The following PRKG1 variants were observed in gnomAD, a reference collection of about 807,000 sequenced individuals.
PRKG1 encodes the protein cGMP-dependent protein kinase 1.
In PRKG1, 35 loss-of-function variants were observed where a neutral mutation model predicts 88.1. The ratio of observed to expected loss-of-function variants is 0.40; its 90% CI spans 0.30 to 0.53. The LOEUF (loss-of-function observed/expected upper bound fraction) is 0.53, where lower values mean the gene tolerates loss of function less well. Ranked by LOEUF, PRKG1 falls within the 20% of genes least tolerant of loss-of-function variation. PRKG1 has a pLI of 0.59. For synonymous variants in PRKG1, 303 were observed against 292.5 expected (o/e 1.04, Z -0.37); for missense variants, 540 against 839.8 (o/e 0.64, Z 4.41).
chr10:51,214,396 G>A (rs1193123401), intron 2 of PRKG1, among the ~76,000 whole-genome samples: 2 of 152,190 alleles, frequency 1.3e-5, no homozygotes, highest in Admixed American at 1.3e-4. Context: ...GGAGTCAGCA[G>A]TATGAATTAT....
intron 1 of PRKG1, among the ~76,000 whole-genome samples, chr10:51,133,304 C>A (rs1232669358): frequency 6.6e-6 from 1 of 152,152 alleles, no homozygotes; most frequent in Non-Finnish European, 1.5e-5. Context: ...ACAACTGTGC[C>A]CCTCTTGCAA....
At position 52,201,062 on chromosome 10, in the gene PRKG1, G is replaced by A. The variant is rs770766117; in HGVS notation, c.1076+39099G>A. On this transcript the variant is annotated intron_variant, in intron 9 of 17. Transcript: ENST00000373980. ...TGCAGAAACTCTTTAGTTGAATTAC[G>A]TCCCATTTGCCAGCTTTTGTTTTTG... 2.6e-5 allele frequency among the ~76,000 whole-genome samples: 4 copies of A among 151,926 alleles called. No homozygotes were observed. In the East Asian group the frequency reaches 5.8e-4, roughly 22 times the overall value.
intron 7 of PRKG1, among the ~76,000 whole-genome samples, chr10:52,074,754 T>G (rs1297344647): frequency 2.0e-5 from 3 of 152,212 alleles, no homozygotes; most frequent in Non-Finnish European, 4.4e-5. Flanking sequence ...CTAGATTCAC[T>G]GTCATTACAC....
In PRKG1 at chr10:51,610,632, T is replaced by C. The variant is rs572535222; in HGVS notation, c.592+142796T>C. On this transcript the variant is annotated intron_variant, in intron 3 of 17. Coordinates refer to ENST00000373980, the MANE Select transcript of PRKG1 (RefSeq NM_006258.4). The stretch of plus-strand genomic sequence containing the variant: ...AGCAAAGACATGGAACCAACCCAAA[T>C]GTCCATCAATGATAGACTGGATAAA... Among the ~76,000 whole-genome samples, 472 of 152,258 alleles carry C rather than the reference T, an allele frequency of 3.1e-3. 2 individuals are homozygous for C. The highest frequency in any genetic ancestry group is 4.6e-3 in the Non-Finnish European group (316 of 68,028).
intron 3 of PRKG1, among the ~76,000 whole-genome samples, chr10:51,505,880 G>C (rs1265231389): frequency 6.6e-6 from 1 of 151,756 alleles, no homozygotes; most frequent in African/African-American, 2.4e-5. Context: ...TATTAGTCTT[G>C]CTAGCGGTCT....
intron 8 of PRKG1, 37 bp downstream of exon 8, chr10:52,133,942 A>T (rs767782547): frequency 6.6e-7 from 1 of 1,520,326 alleles, no homozygotes; most frequent in Non-Finnish European, 9.1e-7. Context: ...TTACACACTC[A>T]TATCAGCAAC....
At chr10:51,274,248 C>T (rs1176883084) in intron 2 of PRKG1, among the ~76,000 whole-genome samples, 1 of 152,128 alleles carries the variant, frequency 6.6e-6, no homozygotes, top group Admixed American at 6.5e-5. Flanking sequence ...AATGATAAAA[C>T]ACTATGGTCA....
chr10:51,118,190 C>T (rs563434322), intron 1 of PRKG1, among the ~76,000 whole-genome samples: 2 of 152,090 alleles, frequency 1.3e-5, no homozygotes, highest in East Asian at 1.9e-4. Context: ...TGTTTTATGG[C>T]ATTTGGCCAA....
intron 3 of PRKG1, among the ~76,000 whole-genome samples, chr10:51,648,587 T>G (rs933886228): frequency 2.0e-5 from 3 of 152,196 alleles, no homozygotes; most frequent in Admixed American, 2.0e-4. Flanking sequence ...ATATTTTTTC[T>G]CTAATCATCT....
intron 2 of PRKG1, among the ~76,000 whole-genome samples, chr10:51,388,419 A>T (rs1465174592): frequency 6.6e-6 from 1 of 152,182 alleles, no homozygotes; most frequent in Non-Finnish European, 1.5e-5. Flanking sequence ...ATCTCTTTTG[A>T]TGCCTAAAAT....
chr10:51,424,320 T>A (rs911755943), intron 2 of PRKG1, among the ~76,000 whole-genome samples: 3 of 152,136 alleles, frequency 2.0e-5, no homozygotes, highest in Admixed American at 2.0e-4. Flanking sequence ...ATATATTTCA[T>A]AAATTTTATC....
chr10:51,209,884 G>T (rs1838165838), intron 2 of PRKG1, among the ~76,000 whole-genome samples: 1 of 152,070 alleles, frequency 6.6e-6, no homozygotes, highest in Non-Finnish European at 1.5e-5. Context: ...CAATTGAAGT[G>T]GTTTTTCATA....
At chr10:51,990,684 C>G (rs182632743) in intron 5 of PRKG1, among the ~76,000 whole-genome samples, 108 of 152,152 alleles carry the variant, frequency 7.1e-4, no homozygotes, top group Middle Eastern at 6.8e-3. Context: ...GCCTAGTTCT[C>G]ATTAGTTATT....
At chr10:51,823,472 C>T (rs771423292) in intron 4 of PRKG1, among the ~76,000 whole-genome samples, 15 of 151,662 alleles carry the variant, frequency 9.9e-5, no homozygotes, top group East Asian at 1.9e-4. Flanking sequence ...ACATGAACCA[C>T]GGGGCTTCCA....
intron 6 of PRKG1, among the ~76,000 whole-genome samples, chr10:52,060,041 T>TATC (rs1846200852): frequency 6.6e-6 from 1 of 151,588 alleles, no homozygotes; most frequent in South Asian, 2.1e-4. Context: ...AGACCTATTA[T>TATC]AAGGTTCAGG....
At chr10:51,830,257 T>A (rs1937695) in intron 4 of PRKG1, among the ~76,000 whole-genome samples, 6,457 of 152,216 alleles carry the variant, frequency 0.042, 281 homozygotes, top group East Asian at 0.11. Context: ...TAACACTATT[T>A]TCACACACTC....
intron 2 of PRKG1, among the ~76,000 whole-genome samples, chr10:51,328,954 T>C (rs1841661417): frequency 1.3e-5 from 2 of 152,198 alleles, no homozygotes; most frequent in Admixed American, 6.5e-5. Flanking sequence ...CTCTTGCTAT[T>C]AAATTGTCTT....
At chr10:52,011,869 T>C (rs1422111734) in intron 5 of PRKG1, among the ~76,000 whole-genome samples, 1 of 152,182 alleles carries the variant, frequency 6.6e-6, no homozygotes, top group African/African-American at 2.4e-5. Context: ...TGAATGGATC[T>C]CATGATATCT....
chr10:51,299,387 G>A (rs1840812567), intron 2 of PRKG1, among the ~76,000 whole-genome samples: 2 of 152,026 alleles, frequency 1.3e-5, no homozygotes, highest in East Asian at 3.9e-4. Context: ...TGTAATTTTA[G>A]TAGAGATGGG....
Sources: allele counts gnomAD v4.1 joint callset (sites outside exome capture counted in the v4.1 genomes callset), GRCh38; gene constraint gnomAD v4.1.1; transcripts MANE v1.5; gene names NCBI Gene and HGNC (gene_info 2026-07-23, HGNC 2026-07-21).